USP34: variants seen among roughly 807,000 people sequenced by gnomAD.
The protein encoded by USP34 is ubiquitin carboxyl-terminal hydrolase 34.
In USP34, 70 loss-of-function variants were observed where a neutral mutation model predicts 460.3. The ratio of observed to expected loss-of-function variants is 0.15; its 90% CI spans 0.13 to 0.19. The LOEUF is 0.19. USP34 is among the 10% of genes least tolerant of loss of function. The probability of loss-of-function intolerance (pLI) is 1.00; values close to 1 mark genes in which losing one functional copy is unlikely to be tolerated. For missense variants in USP34, 3,985 were observed against 4,236.2 expected, an observed-to-expected ratio of 0.94 and a Z score of 1.65; for synonymous variants, 1,647 against 1,405.3, an observed-to-expected ratio of 1.17 and a Z score of -3.85.
intron 5 of USP34, among the ~76,000 whole-genome samples, chr2:61,392,461 T>G (rs1237777538): frequency 6.6e-6 from 1 of 151,988 alleles, no homozygotes; most frequent in East Asian, 1.9e-4. Context: ...CCGGGTCTAC[T>G]AAAAATACAA....
In USP34 at chr2:61,189,365, C is replaced by T. The variant is rs993302626; in HGVS notation, c.9874-296G>A. The T allele has an allele frequency of 5.8e-5, 12 of 205,578 alleles. No individual in the cohort carries two copies. In the South Asian group the frequency reaches 1.3e-3, roughly 22 times the overall value. 12.7% of individuals were successfully genotyped at this position (205,578 alleles called of 1,614,324 possible). The stretch of plus-strand genomic sequence containing the variant: ...TCGGCTCGCTGCAACCTCCACCACC[C>T]GGGTTCAAGCGATTCCCCTCCCTCA... On this transcript the variant is annotated intron_variant, in intron 78 of 79. Coordinates refer to ENST00000398571, the MANE Select transcript of USP34 (RefSeq NM_014709.4).
At chr2:61,281,377 C>T (rs1230632247) in intron 37 of USP34, 135 bp from the exon 38 acceptor site, 1 of 1,145,088 alleles carries the variant, frequency 8.7e-7, no homozygotes, top group East Asian at 2.6e-5. Flanking sequence ...TTTTGGAGGC[C>T]CAGGCAGGAG....
intron 69 of USP34, among the ~76,000 whole-genome samples, chr2:61,210,573 CAT>C (rs1219296045): frequency 2.0e-5 from 3 of 152,202 alleles, no homozygotes; most frequent in African/African-American, 7.2e-5. Flanking sequence ...TTATGCAACA[CAT>C]GACTATAATT....
chr2:61,351,378 CTTCT>C (rs1214460659), intron 10 of USP34, among the ~76,000 whole-genome samples: 1 of 152,028 alleles, frequency 6.6e-6, no homozygotes, highest in Non-Finnish European at 1.5e-5. Context: ...GATACAAAGA[CTTCT>C]TTGTTATAAT....
intron 23 of USP34, among the ~76,000 whole-genome samples, chr2:61,316,072 G>A (rs1690735440): frequency 6.6e-6 from 1 of 151,548 alleles, no homozygotes; most frequent in African/African-American, 2.4e-5. Context: ...TAGCCAGGCA[G>A]GCATGCGCCT....
chr2:61,312,854 G>A (rs995109121), intron 25 of USP34, among the ~76,000 whole-genome samples: 3 of 152,196 alleles, frequency 2.0e-5, no homozygotes, highest in African/African-American at 7.2e-5. Context: ...TACGTACTAT[G>A]TCTTGGGAAA....
intron 75 of USP34, chr2:61,193,365 T>TAAAAAAAAAAAAAAAAAAAAA (rs577314106): frequency 4.1e-5 from 4 of 97,234 alleles, no homozygotes; most frequent in African/African-American, 1.5e-4. Flanking sequence ...AGGGGAAAGG[T>TAAAAAAAAAAAAAAAAAAAAA]AAAAAAAAAA....
intron 2 of USP34, among the ~76,000 whole-genome samples, chr2:61,408,077 T>C (rs1693933721): frequency 6.6e-6 from 1 of 152,096 alleles, no homozygotes; most frequent in East Asian, 1.9e-4. Context: ...ATCATGCCAC[T>C]GCACTGCAGC....
chr2:61,296,118 G>A (rs956819876), intron 30 of USP34, among the ~76,000 whole-genome samples: 4 of 152,082 alleles, frequency 2.6e-5, no homozygotes, highest in Non-Finnish European at 5.9e-5. Context: ...AATGAGCCAG[G>A]CATGGTGCAC....
At chr2:61,202,911 C>A (rs1260122157) in intron 75 of USP34, among the ~76,000 whole-genome samples, 2 of 152,032 alleles carry the variant, frequency 1.3e-5, no homozygotes, top group African/African-American at 4.8e-5. Context: ...CAGCCCTACT[C>A]CACACTCCTT....
At chr2:61,426,542 T>A (rs933266357) in intron 1 of USP34, among the ~76,000 whole-genome samples, 3 of 152,084 alleles carry the variant, frequency 2.0e-5, no homozygotes, top group African/African-American at 7.2e-5. Flanking sequence ...GTCCTGTGGT[T>A]TGAATGCCAG....
chr2:61,210,654 T>C (rs986078200), intron 69 of USP34, among the ~76,000 whole-genome samples: 3 of 152,222 alleles, frequency 2.0e-5, no homozygotes, highest in Non-Finnish European at 2.9e-5. Context: ...TGTTATAGAC[T>C]ACAACTGGAA....
In USP34 at chr2:61,187,732, A is replaced by C. The variant is rs1400419804; in HGVS notation, c.*370T>G. On this transcript the variant is annotated 3_prime_UTR_variant, in exon 80 of 80. Transcript: ENST00000398571. ...GCGATCGGAGGCAATCTGCCTCTAT[A>C]AGGTACAAAACTGGCACAGAGGACA... 2 of 469,952 alleles carry C rather than the reference A, an allele frequency of 4.3e-6. No homozygotes were observed. The highest frequency in any genetic ancestry group is 4.3e-5 in the African/African-American group (2 of 46,936). 29.1% of individuals were successfully genotyped at this position (469,952 alleles called of 1,614,324 possible). A position where few individuals can be genotyped will look rare whatever the true frequency, so the allele number is the denominator to read the frequency against.
Position 61,396,247 on chromosome 2 carries a change from GCA to G in USP34, c.553-1016_553-1015del, listed in dbSNP as rs1573000139. Reference sequence around the variant, plus strand: ...TGCATAAGATTTCAACTGCCTAAAAGCACAGTTATCCATTGTTGGTGAGTATA... The same window carrying G: ...TGCATAAGATTTCAACTGCCTAAAAGCAGTTATCCATTGTTGGTGAGTATA... On this transcript the variant is annotated intron_variant, in intron 3 of 79. Coordinates refer to ENST00000398571, the MANE Select transcript of USP34 (RefSeq NM_014709.4). 2.6e-5 allele frequency among the ~76,000 whole-genome samples: 4 copies of G among 152,076 alleles called. No homozygotes were observed. The South Asian group carries it at 8.3e-4, about 32-fold the overall frequency.
intron 78 of USP34, 33 bp downstream of exon 78, chr2:61,190,238 A>C: frequency 6.4e-7 from 1 of 1,574,706 alleles, no homozygotes; most frequent in South Asian, 1.2e-5. Context: ...GACAGTTTAA[A>C]AGTGTGTGCC....
At chr2:61,201,545 T>C (rs779001478) in intron 75 of USP34, among the ~76,000 whole-genome samples, 2 of 152,142 alleles carry the variant, frequency 1.3e-5, no homozygotes, top group Non-Finnish European at 2.9e-5. Context: ...AGTGCTAATA[T>C]AGAGAACTAA....
chr2:61,353,296 G>C (rs1692002420), intron 10 of USP34, among the ~76,000 whole-genome samples: 1 of 151,862 alleles, frequency 6.6e-6, no homozygotes, highest in Non-Finnish European at 1.5e-5. Flanking sequence ...AGGTCTTAGA[G>C]TTGTACTTTT....
chr2:61,395,250 A>AC lies in USP34; in HGVS notation c.553-18_553-17insG, dbSNP rs1275650667. ...TGATATATCCTAATTAAAAAAAAAA[A>AC]AGCAAGTAAAATTAGGTTACAACTA... On this transcript the variant is annotated splice_polypyrimidine_tract_variant and intron_variant, in intron 3 of 79. Transcript: ENST00000398571. The AC allele has an allele frequency of 1.4e-6, 2 of 1,397,698 alleles. No homozygotes were observed. Among genetic ancestry groups the AC allele is most frequent in the South Asian group, 2.5e-5 (2 of 79,682 alleles). 86.6% of individuals were successfully genotyped at this position (1,397,698 alleles called of 1,614,324 possible).
At chr2:61,193,644 A>G (rs1459229927) in intron 75 of USP34, among the ~76,000 whole-genome samples, 1 of 152,164 alleles carries the variant, frequency 6.6e-6, no homozygotes, top group Non-Finnish European at 1.5e-5. Context: ...CTGTCATCCT[A>G]TCTCTGAAAG....
Sources: gnomAD v4.1 joint callset for allele counts (sites outside exome capture counted in the v4.1 genomes callset) on GRCh38, gnomAD v4.1.1 for gene constraint, MANE v1.5 for transcripts, NCBI Gene and HGNC (gene_info 2026-07-23, HGNC 2026-07-21) for gene names.